Variants in SNTB1 observed in about 807,000 individuals in gnomAD.
SNTB1 encodes beta-1-syntrophin.
A neutral mutation model predicts 48.9 loss-of-function variants in SNTB1; 36 were observed. That is an observed-to-expected ratio of 0.74 (90% CI 0.56 to 0.97). The LOEUF (loss-of-function observed/expected upper bound fraction) is 0.97. Ranked by LOEUF, SNTB1 falls within the 50% of genes least tolerant of loss-of-function variation. The pLI, the probability that SNTB1 is intolerant of heterozygous loss-of-function variation, is 0.00. For synonymous variants in SNTB1, 299 were observed against 294.6 expected, an observed-to-expected ratio of 1.01 and a Z score of -0.15; for missense variants, 786 against 703.4, an observed-to-expected ratio of 1.12 and a Z score of -1.33.
intron 2 of SNTB1, among the ~76,000 whole-genome samples, chr8:120,656,469 C>G (rs998016914): frequency 2.8e-4 from 43 of 152,116 alleles, no homozygotes; most frequent in African/African-American, 8.0e-4. Flanking sequence ...AATGTCAAAA[C>G]TAAAGAAAAT....
chr8:120,639,111 G>A (rs1379134133), intron 2 of SNTB1, among the ~76,000 whole-genome samples: 3 of 152,194 alleles, frequency 2.0e-5, no homozygotes, highest in Non-Finnish European at 4.4e-5. Flanking sequence ...GTATCTCTTT[G>A]TGGTTTTGAT....
At chr8:120,768,092 A>C (rs1039196514) in intron 1 of SNTB1, among the ~76,000 whole-genome samples, 1 of 152,222 alleles carries the variant, frequency 6.6e-6, no homozygotes, top group Non-Finnish European at 1.5e-5. Context: ...TGAGGTTCTA[A>C]GTGCACTGCT....
At chr8:120,664,321 C>T (rs1311965766) in intron 2 of SNTB1, among the ~76,000 whole-genome samples, 2 of 152,138 alleles carry the variant, frequency 1.3e-5, no homozygotes, top group African/African-American at 4.8e-5. Flanking sequence ...TCAGGAATAG[C>T]AAATAGTCCA....
intron 3 of SNTB1, among the ~76,000 whole-genome samples, chr8:120,580,292 G>A (rs759100488): frequency 1.3e-5 from 2 of 152,136 alleles, no homozygotes; most frequent in African/African-American, 4.8e-5. Flanking sequence ...CTTTAGAGCC[G>A]AACAGCATGT....
At chr8:120,786,371 A>G (rs1289035011) in intron 1 of SNTB1, among the ~76,000 whole-genome samples, 1 of 152,200 alleles carries the variant, frequency 6.6e-6, no homozygotes, top group Non-Finnish European at 1.5e-5. Flanking sequence ...TGCTGGGTTC[A>G]GTGAGAAGAG....
chr8:120,635,006 C>A (rs757840954), intron 2 of SNTB1, among the ~76,000 whole-genome samples: 1 of 152,088 alleles, frequency 6.6e-6, no homozygotes, highest in Admixed American at 6.6e-5. Context: ...CACCCGCCAC[C>A]GCACCCAGCT....
chr8:120,718,026 G>C (rs1252326831), intron 1 of SNTB1, among the ~76,000 whole-genome samples: 1 of 152,158 alleles, frequency 6.6e-6, no homozygotes, highest in Non-Finnish European at 1.5e-5. Context: ...GCTGTGCTCT[G>C]GTATTTTGCT....
intron 1 of SNTB1, among the ~76,000 whole-genome samples, chr8:120,757,887 C>A (rs937340346): frequency 6.6e-6 from 1 of 152,016 alleles, no homozygotes; most frequent in Non-Finnish European, 1.5e-5. Flanking sequence ...TTAGTGATGG[C>A]CATGTTTTTC....
chr8:120,590,685 CTT>C (rs1255676747), intron 3 of SNTB1, among the ~76,000 whole-genome samples: 8 of 99,896 alleles, frequency 8.0e-5, no homozygotes, highest in Non-Finnish European at 1.1e-4. Context: ...CTTTTCTTTT[CTT>C]TTTTTTTTTT....
chr8:120,561,336 A>AG (rs1815655542), intron 4 of SNTB1, among the ~76,000 whole-genome samples: 1 of 43,766 alleles, frequency 2.3e-5, no homozygotes. Flanking sequence ...AAAAAAAAAA[A>AG]AAAAGAAAAA....
chr8:120,755,141 GT>G (rs35743013), intron 1 of SNTB1, among the ~76,000 whole-genome samples: 64,129 of 149,202 alleles, frequency 0.43, 17,080 homozygotes, highest in East Asian at 0.79. Context: ...ATGCTGTGGT[GT>G]TGTGTGTGTG....
At chr8:120,796,729 G>A (rs945980538) in intron 1 of SNTB1, among the ~76,000 whole-genome samples, 2 of 151,908 alleles carry the variant, frequency 1.3e-5, no homozygotes, top group South Asian at 2.1e-4. Flanking sequence ...TCCACTTTCC[G>A]CCCTGGCTCT....
intron 1 of SNTB1, among the ~76,000 whole-genome samples, chr8:120,797,177 C>T (rs1309344114): frequency 2.0e-5 from 3 of 151,922 alleles, no homozygotes; most frequent in Non-Finnish European, 4.4e-5. Flanking sequence ...ACACACCGTA[C>T]AAAAACACGG....
chr8:120,692,333 T>G (rs191072782), intron 2 of SNTB1, among the ~76,000 whole-genome samples: 1 of 152,124 alleles, frequency 6.6e-6, no homozygotes, highest in African/African-American at 2.4e-5. Flanking sequence ...CCTAGCCAAA[T>G]ACTTTCTATT....
intron 3 of SNTB1, among the ~76,000 whole-genome samples, chr8:120,624,871 T>C (rs1245061325): frequency 6.6e-6 from 1 of 151,976 alleles, no homozygotes; most frequent in Non-Finnish European, 1.5e-5. Flanking sequence ...AAGGGAGAAA[T>C]AGGCAAGAAG....
At chr8:120,789,805 C>T (rs1220532461) in intron 1 of SNTB1, among the ~76,000 whole-genome samples, 2 of 151,954 alleles carry the variant, frequency 1.3e-5, no homozygotes, top group African/African-American at 4.8e-5. Context: ...TTCTACCAGA[C>T]ATTCAAAGGA....
chr8:120,616,291 T>A (rs1816712676), intron 3 of SNTB1, among the ~76,000 whole-genome samples: 2 of 139,124 alleles, frequency 1.4e-5, no homozygotes, highest in East Asian at 4.0e-4. Context: ...TGCTTAAGAT[T>A]AGCTTGATTT....
At chr8:120,621,602 G>A (rs1044663524) in intron 3 of SNTB1, among the ~76,000 whole-genome samples, 7 of 152,074 alleles carry the variant, frequency 4.6e-5, no homozygotes, top group Admixed American at 2.6e-4. Context: ...AATTACTTTC[G>A]CATCAACACA....
At chr8:120,570,391 C>A (rs774087981) in intron 4 of SNTB1, 11 of 152,206 alleles carry the variant, frequency 7.2e-5, no homozygotes, top group Non-Finnish European at 1.5e-4. Flanking sequence ...CCCAAAGACT[C>A]CTGCTGTTCC....
Sources: allele counts gnomAD v4.1 joint callset (sites outside exome capture counted in the v4.1 genomes callset), GRCh38; gene constraint gnomAD v4.1.1; transcripts MANE v1.5; gene names NCBI Gene and HGNC (gene_info 2026-07-23, HGNC 2026-07-21).